The following CACNA1E variants were observed in gnomAD, a reference collection of about 807,000 sequenced individuals.
CACNA1E encodes calcium voltage-gated channel subunit alpha1 E.
Under a neutral mutation model 259.2 loss-of-function variants are expected in CACNA1E, and 40 were observed. That is an observed-to-expected ratio of 0.15 (90% confidence interval 0.12 to 0.20). The LOEUF is 0.20. CACNA1E is among the 10% of genes least tolerant of loss of function. The pLI is 1.00. For missense variants in CACNA1E, 1,874 were observed against 3,040.1 expected (o/e 0.62, Z 9.02); for synonymous variants, 1,104 against 1,138.5 (o/e 0.97, Z 0.61).
intron 1 of CACNA1E, among the ~76,000 whole-genome samples, chr1:181,497,938 G>C (rs1664909291): frequency 6.6e-6 from 1 of 152,162 alleles, no homozygotes; most frequent in South Asian, 2.1e-4. Context: ...GCGAGCTTGA[G>C]TCGGAATCTG....
At chr1:181,395,051 G>T (rs1015524776) in intron 1 of CACNA1E, among the ~76,000 whole-genome samples, 2 of 152,196 alleles carry the variant, frequency 1.3e-5, no homozygotes, top group East Asian at 3.8e-4. Flanking sequence ...CTGCACATTG[G>T]TTACTGTGTT....
chr1:181,330,979 A>G (rs1325384946), intron 1 of CACNA1E, among the ~76,000 whole-genome samples: 1 of 152,190 alleles, frequency 6.6e-6, no homozygotes, highest in East Asian at 1.9e-4. Context: ...GGAGGAGGGC[A>G]GGGTGGCAAG....
intron 28 of CACNA1E, 67 bp from the exon 29 acceptor site, chr1:181,755,889 T>C: frequency 6.7e-7 from 1 of 1,501,468 alleles, no homozygotes; most frequent in Non-Finnish European, 9.1e-7. Context: ...GCCTGTAGAA[T>C]GTGCTGACTC....
At position 181,804,043 on chromosome 1, in the gene CACNA1E, A is replaced by G. The variant is rs1456418170; in HGVS notation, c.*5209A>G. 1.3e-5 allele frequency: 2 copies of G among 152,212 alleles called. No individual in the cohort carries two copies. Among genetic ancestry groups the G allele is most frequent in the African/African-American group, 4.8e-5 (2 of 41,460 alleles). 9.4% of individuals were successfully genotyped at this position (152,212 alleles called of 1,614,324 possible). On this transcript the variant is annotated 3_prime_UTR_variant, in exon 48 of 48. Transcript: ENST00000367573. ...TCTAAATGCAAAAGGAGATTTTATA[A>G]TAAGCCATGCTACCTGTAAATACAT...
At chr1:181,484,128 TG>T in intron 1 of CACNA1E, 118 bp downstream of exon 1, 1 of 1,002,308 alleles carries the variant, frequency 1.0e-6, no homozygotes, top group South Asian at 1.5e-5. Context: ...GCCCCTTTGC[TG>T]AAGCACACTC....
chr1:181,760,344 A>G (rs1487649157), intron 32 of CACNA1E, among the ~76,000 whole-genome samples: 1 of 152,208 alleles, frequency 6.6e-6, no homozygotes, highest in Non-Finnish European at 1.5e-5. Context: ...TACATTGTTA[A>G]GGCACTCTAA....
chr1:181,461,181 C>T lies in CACNA1E; in HGVS notation c.435-22563C>T, dbSNP rs913489505. On this transcript the variant is annotated intron_variant, in intron 2 of 11. Transcript: ENST00000524607. Reference sequence around the variant, plus strand: ...TCAGGAGACTAGAACTGAGCCCTTTCTTTTGAGAGGGTCAAAACAGTATCG... The same window carrying T: ...TCAGGAGACTAGAACTGAGCCCTTTTTTTTGAGAGGGTCAAAACAGTATCG... 5.3e-5 allele frequency among the ~76,000 whole-genome samples: 8 copies of T among 152,256 alleles called. No individual in the cohort carries two copies. The East Asian group carries it at 1.5e-3, about 29-fold the overall frequency.
chr1:181,783,525 A>C (rs1660598927), intron 39 of CACNA1E, among the ~76,000 whole-genome samples, 154 bp from the exon 40 acceptor site: 2 of 152,208 alleles, frequency 1.3e-5, no homozygotes, highest in South Asian at 4.1e-4. Context: ...CTTAAGTGAG[A>C]AGCAGGGAGA....
intron 7 of CACNA1E, among the ~76,000 whole-genome samples, chr1:181,675,610 G>GT (rs776585324): frequency 3.9e-5 from 6 of 152,258 alleles, no homozygotes; most frequent in Admixed American, 6.5e-5. Flanking sequence ...CTCTGAACCA[G>GT]TTTTGCATGG....
chr1:181,630,384 G>GCCCCCCCCCC (rs371364830), intron 6 of CACNA1E, among the ~76,000 whole-genome samples: 8 of 145,054 alleles, frequency 5.5e-5, no homozygotes, highest in Non-Finnish European at 1.1e-4. Context: ...TAATTAACAT[G>GCCCCCCCCCC]CCCCCCCACC....
intron 1 of CACNA1E, among the ~76,000 whole-genome samples, chr1:181,369,361 A>G (rs1313331737): frequency 6.6e-6 from 1 of 152,182 alleles, no homozygotes; most frequent in Non-Finnish European, 1.5e-5. Flanking sequence ...ACAGGAGAAA[A>G]CGAATGTCTG....
chr1:181,565,974 A>G (rs1290263199), intron 3 of CACNA1E, among the ~76,000 whole-genome samples: 1 of 152,204 alleles, frequency 6.6e-6, no homozygotes, highest in Non-Finnish European at 1.5e-5. Context: ...ACATGTATTT[A>G]TGTAGATGAT....
chr1:181,762,702 T>G (rs1257295761), intron 33 of CACNA1E, 45 bp downstream of exon 33: 1 of 1,205,044 alleles, frequency 8.3e-7, no homozygotes, highest in Admixed American at 1.9e-5. Flanking sequence ...GGCCCTGGAG[T>G]AGCATTTTTA....
rs193001760 is a variant in CACNA1E at position 181,661,512 on chromosome 1, G to A, written c.1055+10071G>A. The stretch of plus-strand genomic sequence containing the variant: ...GCTTTTAGGTTTCTGAATTGAGACT[G>A]TAGGTGGCTGGGGGAGAACACAGGC... On this transcript the variant is annotated intron_variant, in intron 7 of 47. Coordinates refer to ENST00000367573, the MANE Select transcript of CACNA1E (RefSeq NM_001205293.3). Among the ~76,000 whole-genome samples the A allele has an allele frequency of 3.3e-5, 5 of 152,290 alleles. No homozygotes were observed. In the East Asian group the frequency reaches 9.7e-4, roughly 29 times the overall value.
intron 6 of CACNA1E, among the ~76,000 whole-genome samples, chr1:181,641,996 G>T (rs1025866678): frequency 3.9e-5 from 6 of 152,072 alleles, no homozygotes; most frequent in Non-Finnish European, 5.9e-5. Context: ...ACAGGCGTGA[G>T]CCACCGCGCC....
chr1:181,548,314 C>T (rs376388519), intron 3 of CACNA1E, among the ~76,000 whole-genome samples: 5 of 151,918 alleles, frequency 3.3e-5, no homozygotes, highest in Admixed American at 6.6e-5. Context: ...TTAGTAGATA[C>T]GGGGTTTCAC....
At chr1:181,329,141 A>G (rs889179409) in intron 1 of CACNA1E, among the ~76,000 whole-genome samples, 1 of 152,108 alleles carries the variant, frequency 6.6e-6, no homozygotes, top group African/African-American at 2.4e-5. Context: ...TGATACTTGC[A>G]TCTCTGTATT....
intron 2 of CACNA1E, among the ~76,000 whole-genome samples, chr1:181,421,920 G>A (rs1023651974): frequency 6.6e-6 from 1 of 152,046 alleles, no homozygotes; most frequent in Non-Finnish European, 1.5e-5. Flanking sequence ...AACTCTTTTT[G>A]CTGGCTCATA....
chr1:181,458,565 A>C (rs1661603935), intron 2 of CACNA1E, among the ~76,000 whole-genome samples: 1 of 152,228 alleles, frequency 6.6e-6, no homozygotes, highest in Admixed American at 6.5e-5. Context: ...GCAAGGCAGG[A>C]TTTAGCTGTG....
Sources: gnomAD v4.1 joint callset for allele counts (sites outside exome capture counted in the v4.1 genomes callset) on GRCh38, gnomAD v4.1.1 for gene constraint, MANE v1.5 for transcripts, NCBI Gene and HGNC (gene_info 2026-07-23, HGNC 2026-07-21) for gene names.